The following ATXN7L1 variants were observed in gnomAD, a reference collection of about 807,000 sequenced individuals.
ATXN7L1 encodes the protein ataxin-7-like protein 1.
In ATXN7L1, 15 loss-of-function variants were observed where a neutral mutation model predicts 70.8. The observed-to-expected ratio is 0.21, with a 90% CI of 0.14 to 0.33. The LOEUF is 0.33. Ranked by LOEUF, ATXN7L1 falls within the 10% of genes least tolerant of loss-of-function variation. The probability of loss-of-function intolerance (pLI) is 1.00; values close to 1 mark genes in which losing one functional copy is unlikely to be tolerated. For missense variants in ATXN7L1, 975 were observed against 1,097.1 expected (o/e 0.89, Z 1.57); for synonymous variants, 440 against 445.1 (o/e 0.99, Z 0.14).
intron 4 of ATXN7L1, 121 bp from the exon 5 acceptor site, chr7:105,643,242 T>C: frequency 8.4e-7 from 1 of 1,184,130 alleles, no homozygotes; most frequent in East Asian, 2.6e-5. Context: ...ACTCCTTCTA[T>C]AAGCAAGCAG....
At chr7:105,693,929 C>T (rs1168154916) in intron 3 of ATXN7L1, among the ~76,000 whole-genome samples, 80 of 152,202 alleles carry the variant, frequency 5.3e-4, no homozygotes, top group Non-Finnish European at 1.5e-5. Flanking sequence ...TTAGCACATC[C>T]AAGACCAAGG....
At chr7:105,796,042 C>T (rs1007644607) in intron 2 of ATXN7L1, among the ~76,000 whole-genome samples, 1 of 152,202 alleles carries the variant, frequency 6.6e-6, no homozygotes, top group African/African-American at 2.4e-5. Flanking sequence ...CAAGCTCTTT[C>T]CAGGAAGGTA....
At chr7:105,785,640 G>A (rs1009122221) in intron 3 of ATXN7L1, among the ~76,000 whole-genome samples, 5 of 152,142 alleles carry the variant, frequency 3.3e-5, no homozygotes, top group Admixed American at 6.5e-5. Context: ...TGCGTCCCTC[G>A]CAAATTCCTA....
At chr7:105,641,472 C>T (rs976700944) in intron 5 of ATXN7L1, among the ~76,000 whole-genome samples, 12 of 152,136 alleles carry the variant, frequency 7.9e-5, no homozygotes, top group South Asian at 6.2e-4. Flanking sequence ...GCAAAAGACC[C>T]GACGAAACAA....
chr7:105,717,888 A>G (rs1404564854), intron 3 of ATXN7L1, among the ~76,000 whole-genome samples: 1 of 152,144 alleles, frequency 6.6e-6, no homozygotes, highest in Non-Finnish European at 1.5e-5. Flanking sequence ...GCTCCTACCC[A>G]TTCTCTAATT....
intron 4 of ATXN7L1, among the ~76,000 whole-genome samples, chr7:105,647,521 C>G (rs529265028): frequency 2.8e-4 from 43 of 152,334 alleles, no homozygotes; most frequent in African/African-American, 1.0e-3. Context: ...GTGGCACATG[C>G]CTGTAATCCC....
intron 2 of ATXN7L1, among the ~76,000 whole-genome samples, chr7:105,871,478 G>A (rs1207891649): frequency 6.6e-6 from 1 of 152,190 alleles, no homozygotes; most frequent in African/African-American, 2.4e-5. Flanking sequence ...TTGGGATGCT[G>A]AGGCAGGCAG....
intron 3 of ATXN7L1, among the ~76,000 whole-genome samples, chr7:105,727,269 TACTC>T (rs1393498741): frequency 1.3e-5 from 2 of 152,170 alleles, no homozygotes; most frequent in East Asian, 3.9e-4. Flanking sequence ...TATGGAATAT[TACTC>T]ACGAAGCAGA....
At chr7:105,686,424 G>A (rs908455822) in intron 3 of ATXN7L1, among the ~76,000 whole-genome samples, 5 of 152,186 alleles carry the variant, frequency 3.3e-5, no homozygotes, top group African/African-American at 4.8e-5. Flanking sequence ...GCTGAGGCAG[G>A]AGAATCCCTT....
intron 3 of ATXN7L1, among the ~76,000 whole-genome samples, chr7:105,692,788 A>G (rs944299552): frequency 6.6e-6 from 1 of 152,052 alleles, no homozygotes; most frequent in Non-Finnish European, 1.5e-5. Context: ...CCCAGGCTGA[A>G]GTGCAGTGGT....
chr7:105,829,162 C>T (rs929543261), intron 2 of ATXN7L1, among the ~76,000 whole-genome samples: 9 of 152,204 alleles, frequency 5.9e-5, no homozygotes, highest in Admixed American at 5.2e-4. Context: ...TGGCTCACGC[C>T]TGTAATCCCA....
chr7:105,719,213 G>A (rs1794912806), intron 3 of ATXN7L1, among the ~76,000 whole-genome samples: 1 of 152,082 alleles, frequency 6.6e-6, no homozygotes, highest in South Asian at 2.1e-4. Context: ...CCCACTCAGC[G>A]CCCATCCCCC....
chr7:105,721,203 G>A (rs974655366), intron 3 of ATXN7L1, among the ~76,000 whole-genome samples: 1 of 152,194 alleles, frequency 6.6e-6, no homozygotes, highest in Non-Finnish European at 1.5e-5. Context: ...TGGCACAGGA[G>A]AGAGGGCACA....
At chr7:105,615,563 A>G (rs953424570) in intron 9 of ATXN7L1, among the ~76,000 whole-genome samples, 3 of 152,056 alleles carry the variant, frequency 2.0e-5, no homozygotes, top group African/African-American at 7.2e-5. Flanking sequence ...GTTTTTTCCT[A>G]TTCAGCCCAT....
chr7:105,678,380 T>C (rs573349960), intron 3 of ATXN7L1, among the ~76,000 whole-genome samples: 1 of 152,242 alleles, frequency 6.6e-6, no homozygotes, highest in African/African-American at 2.4e-5. Flanking sequence ...GAGCCCTAGC[T>C]AGAAACCAGC....
Position 105,778,068 on chromosome 7 carries a change from C to T in ATXN7L1, c.355+10536G>A, listed in dbSNP as rs368575225. 1.8e-4 allele frequency among the ~76,000 whole-genome samples: 28 copies of T among 152,236 alleles called. No individual in the cohort carries two copies. In the East Asian group the frequency reaches 2.1e-3, roughly 12 times the overall value. On this transcript the variant is annotated intron_variant, in intron 3 of 11. Coordinates refer to ENST00000419735, the MANE Select transcript of ATXN7L1 (RefSeq NM_020725.2). ...ATGCATCTGCAGCATTAGAACAGTG[C>T]CTGGCATATAGCAGGTGCTCAATAA... is the stretch of plus-strand genomic sequence containing the variant.
intron 2 of ATXN7L1, among the ~76,000 whole-genome samples, chr7:105,849,054 C>T (rs1814491167): frequency 6.6e-6 from 1 of 152,240 alleles, no homozygotes; most frequent in Non-Finnish European, 1.5e-5. Flanking sequence ...CCACTCCTAA[C>T]CCCACGACAC....
chr7:105,870,701 G>A (rs1413782330), intron 2 of ATXN7L1, among the ~76,000 whole-genome samples: 2 of 152,186 alleles, frequency 1.3e-5, no homozygotes, highest in African/African-American at 4.8e-5. Context: ...TCCCTAATTA[G>A]CTTGAAAAAG....
intron 10 of ATXN7L1, among the ~76,000 whole-genome samples, chr7:105,611,757 C>T (rs559230761): frequency 3.3e-5 from 5 of 152,300 alleles, no homozygotes. Context: ...TTAAATGGAT[C>T]CCCAAATTGT....
Sources: allele counts gnomAD v4.1 joint callset (sites outside exome capture counted in the v4.1 genomes callset), GRCh38; gene constraint gnomAD v4.1.1; transcripts MANE v1.5; gene names NCBI Gene and HGNC (gene_info 2026-07-23, HGNC 2026-07-21).